The following MTMR8 variants were observed in gnomAD, a reference collection of about 807,000 sequenced individuals.
MTMR8 encodes phosphatidylinositol-3,5-bisphosphate 3-phosphatase MTMR8.
In MTMR8, 65 loss-of-function variants were observed where a neutral mutation model predicts 39.3. That is an observed-to-expected ratio of 1.65 (90% CI 1.35 to 2.03). The LOEUF (loss-of-function observed/expected upper bound fraction) is 2.03, where lower values mean the gene tolerates loss of function less well. MTMR8 is among the 30% of genes most tolerant of loss of function. MTMR8 has a pLI of 0.00. For missense variants in MTMR8, 777 were observed against 538.9 expected, an observed-to-expected ratio of 1.44 and a Z score of -4.37; for synonymous variants, 245 against 185.2, an observed-to-expected ratio of 1.32 and a Z score of -2.62.
intron 12 of MTMR8, among the ~76,000 whole-genome samples, chrX:64,296,877 A>T (rs1207643631): frequency 2.0e-5 from 2 of 102,336 alleles, no homozygotes; most frequent in African/African-American, 7.2e-5. Context: ...GATGATTTCC[A>T]ATTTCATCCA....
chrX:64,294,868 C>T (rs1283577324), intron 12 of MTMR8, among the ~76,000 whole-genome samples: 1 of 111,504 alleles, frequency 9.0e-6, no homozygotes, highest in African/African-American at 3.3e-5. Flanking sequence ...AGGATTTCAA[C>T]ATATGAATTT....
In MTMR8 at chrX:64,284,948, C is replaced by T. The variant is rs774825086; in HGVS notation, c.1482-13875G>A. The stretch of plus-strand genomic sequence containing the variant: ...GCAAAATAACCAGCTAACATCATAA[C>T]GACAGGATCAAATTCACACATAGCA... On this transcript the variant is annotated intron_variant, in intron 12 of 13. Transcript: ENST00000374852. Among the ~76,000 whole-genome samples, 78 of 111,727 alleles carry T rather than the reference C, an allele frequency of 7.0e-4. 1 individual carries two copies. The South Asian group carries it at 0.02, about 29-fold the overall frequency.
chrX:64,331,859 G>A, intron 10 of MTMR8, 102 bp from the exon 11 acceptor site: 1 of 734,656 alleles, frequency 1.4e-6, no homozygotes, highest in East Asian at 3.5e-5. Context: ...TCTGTTGGTA[G>A]TGGCAAGGAA....
At chrX:64,311,158 A>G (rs1006506993) in intron 12 of MTMR8, among the ~76,000 whole-genome samples, 10 of 111,671 alleles carry the variant, frequency 9.0e-5, no homozygotes, top group Non-Finnish European at 1.5e-4. Context: ...CCTCCCCAGC[A>G]TCTGTTGTAT....
intron 12 of MTMR8, among the ~76,000 whole-genome samples, chrX:64,300,640 G>T (rs1175922468): frequency 9.9e-6 from 1 of 100,951 alleles, no homozygotes; most frequent in Non-Finnish European, 2.0e-5. Flanking sequence ...TGGTGATTTT[G>T]CTCGTTAGTT....
rs558805629 is a variant in MTMR8 at position 64,280,484 on chromosome X, G to A, written c.1482-9411C>T. On this transcript the variant is annotated intron_variant, in intron 12 of 13. Coordinates refer to ENST00000374852, the MANE Select transcript of MTMR8 (RefSeq NM_017677.4). ...CTCAATAGATGCAGAAAAGGCCTTC[G>A]ATAAAATTCAATGTCCTTCATGTTA... is the stretch of plus-strand genomic sequence containing the variant. Among the ~76,000 whole-genome samples, 45 of 111,729 alleles carry A rather than the reference G, an allele frequency of 4.0e-4. No homozygotes were observed. The South Asian group carries it at 7.9e-3, about 20-fold the overall frequency.
intron 1 of MTMR8, among the ~76,000 whole-genome samples, chrX:64,390,799 G>T (rs2147250399): frequency 9.1e-6 from 1 of 110,211 alleles, no homozygotes; most frequent in Non-Finnish European, 1.9e-5. Context: ...GAGACCACAG[G>T]TGCAAGCCAC....
At chrX:64,300,740 C>T (rs1403497339) in intron 12 of MTMR8, among the ~76,000 whole-genome samples, 15 of 104,354 alleles carry the variant, frequency 1.4e-4, no homozygotes, top group Non-Finnish European at 2.6e-4. Flanking sequence ...ATGTTTAGCG[C>T]TTCCTTCAGG....
intron 1 of MTMR8, among the ~76,000 whole-genome samples, chrX:64,382,296 T>C (rs997303960): frequency 6.3e-5 from 7 of 111,953 alleles, no homozygotes; most frequent in African/African-American, 1.6e-4. Flanking sequence ...TGGCTTGTAG[T>C]TCTCCTTGAA....
chrX:64,349,403 C>A (rs777214725), intron 5 of MTMR8, among the ~76,000 whole-genome samples: 14 of 111,550 alleles, frequency 1.3e-4, no homozygotes, highest in African/African-American at 4.6e-4. Context: ...TTACTATACT[C>A]CTTAGCACTT....
intron 12 of MTMR8, among the ~76,000 whole-genome samples, chrX:64,288,408 A>G (rs1034947577): frequency 1.8e-5 from 2 of 111,374 alleles, no homozygotes; most frequent in Admixed American, 9.6e-5. Context: ...GAACACTTTT[A>G]CTCTGTTGGT....
At chrX:64,348,873 A>G in intron 5 of MTMR8, 79 bp from the exon 6 acceptor site, 1 of 1,086,555 alleles carries the variant, frequency 9.2e-7, no homozygotes, top group South Asian at 2.0e-5. Flanking sequence ...GCCAGGTTCC[A>G]TGAGTAGAGG....
chrX:64,319,668 C>T (rs1439974504), intron 12 of MTMR8, among the ~76,000 whole-genome samples: 10 of 111,696 alleles, frequency 9.0e-5, no homozygotes, highest in African/African-American at 2.9e-4. Context: ...GGAATCCTTT[C>T]CCCATTGCTT....
At chrX:64,280,650 C>A (rs1337079459) in intron 12 of MTMR8, among the ~76,000 whole-genome samples, 1 of 111,282 alleles carries the variant, frequency 9.0e-6, no homozygotes, top group Non-Finnish European at 1.9e-5. Flanking sequence ...GACAAGGATG[C>A]CCTCTCTCAC....
At position 64,369,660 on chromosome X, in the gene MTMR8, T is replaced by C. The variant is rs1924076354; in HGVS notation, c.25-10133A>G. Among the ~76,000 whole-genome samples the C allele has an allele frequency of 2.7e-5, 3 of 111,322 alleles. No individual in the cohort carries two copies. In the South Asian group the frequency reaches 1.1e-3, roughly 43 times the overall value. ...CGATAGCATTAGGAGAAATACCTAA[T>C]GTAAATGATGAGTTGATGGGTGCAG... On this transcript the variant is annotated intron_variant, in intron 1 of 13. Transcript: ENST00000374852.
intron 6 of MTMR8, among the ~76,000 whole-genome samples, chrX:64,346,923 A>G (rs923454109): frequency 3.6e-5 from 4 of 111,451 alleles, no homozygotes; most frequent in Admixed American, 9.6e-5. Flanking sequence ...TTGAGCTCCT[A>G]TTATATGCCT....
At chrX:64,367,303 C>A (rs1224467272) in intron 1 of MTMR8, among the ~76,000 whole-genome samples, 2 of 111,408 alleles carry the variant, frequency 1.8e-5, no homozygotes, top group African/African-American at 6.5e-5. Flanking sequence ...AGAGACACAA[C>A]AAAAAAAGAG....
chrX:64,392,177 T>G (rs781499474), intron 1 of MTMR8, among the ~76,000 whole-genome samples: 1 of 111,663 alleles, frequency 9.0e-6, no homozygotes, highest in South Asian at 3.8e-4. Context: ...AAATTGGTAG[T>G]GTCTAGATGA....
At chrX:64,308,876 T>C (rs1008691667) in intron 12 of MTMR8, among the ~76,000 whole-genome samples, 2 of 111,949 alleles carry the variant, frequency 1.8e-5, no homozygotes, top group Non-Finnish European at 3.8e-5. Context: ...CTCTGTTGAA[T>C]TGTCTTTGTT....
Sources: gnomAD v4.1 joint callset for allele counts (sites outside exome capture counted in the v4.1 genomes callset) on GRCh38, gnomAD v4.1.1 for gene constraint, MANE v1.5 for transcripts, NCBI Gene and HGNC (gene_info 2026-07-23, HGNC 2026-07-21) for gene names.